MED27: variants seen among roughly 807,000 people sequenced by gnomAD.
The protein encoded by MED27 is mediator of RNA polymerase II transcription subunit 27.
MED27 carries 30 observed loss-of-function variants against 38.2 expected under a neutral mutation model. The ratio of observed to expected loss-of-function variants is 0.79; its 90% confidence interval spans 0.59 to 1.07. MED27 has a LOEUF of 1.07. MED27 is among the 50% of genes least tolerant of loss of function. The pLI is 0.00. For synonymous variants in MED27, 122 were observed against 153.5 expected, an observed-to-expected ratio of 0.79 and a Z score of 1.52; for missense variants, 289 against 397.5, an observed-to-expected ratio of 0.73 and a Z score of 2.32.
intron 2 of MED27, among the ~76,000 whole-genome samples, chr9:132,022,960 T>C (rs896507473): frequency 6.6e-6 from 1 of 152,048 alleles, no homozygotes; most frequent in Admixed American, 6.5e-5. Context: ...GGATTACAAT[T>C]AGAGATGAGA....
intron 3 of MED27, among the ~76,000 whole-genome samples, chr9:131,995,652 C>T (rs898923059): frequency 2.0e-5 from 3 of 152,100 alleles, no homozygotes; most frequent in African/African-American, 7.2e-5. Context: ...CACTGGATCC[C>T]ACATAATATT....
intron 6 of MED27, among the ~76,000 whole-genome samples, chr9:131,863,744 C>T (rs191657134): frequency 1.6e-3 from 238 of 152,266 alleles, no homozygotes; most frequent in African/African-American, 4.9e-3. Context: ...GATGGCCCTT[C>T]GCAGGAGCCC....
chr9:131,881,358 A>C (rs1000700506), intron 6 of MED27, among the ~76,000 whole-genome samples: 10 of 152,320 alleles, frequency 6.6e-5, no homozygotes, highest in African/African-American at 2.4e-4. Context: ...CCTGCACTAA[A>C]GCCTGTGCGT....
At chr9:131,960,308 T>C (rs1270180727) in intron 3 of MED27, among the ~76,000 whole-genome samples, 1 of 152,254 alleles carries the variant, frequency 6.6e-6, no homozygotes, top group African/African-American at 2.4e-5. Flanking sequence ...GATTCAGTTG[T>C]GTCGTATCAA....
At chr9:131,983,212 C>G (rs2131030681) in intron 3 of MED27, among the ~76,000 whole-genome samples, 2 of 152,310 alleles carry the variant, frequency 1.3e-5, no homozygotes, top group East Asian at 3.9e-4. Context: ...GGATTAAAGT[C>G]ACCTGGGCCA....
chr9:131,967,703 T>C (rs896164815), intron 3 of MED27, among the ~76,000 whole-genome samples: 2 of 150,718 alleles, frequency 1.3e-5, no homozygotes, highest in East Asian at 3.9e-4. Flanking sequence ...GGTTTCTTCA[T>C]GTTGGTCAGG....
intron 2 of MED27, among the ~76,000 whole-genome samples, chr9:132,046,563 A>G (rs1368842576): frequency 6.6e-6 from 1 of 152,188 alleles, no homozygotes; most frequent in East Asian, 1.9e-4. Context: ...AGGACTATGA[A>G]GAGTAAATAG....
chr9:131,967,188 A>G (rs945711224), intron 3 of MED27, among the ~76,000 whole-genome samples: 3 of 152,238 alleles, frequency 2.0e-5, no homozygotes, highest in South Asian at 2.1e-4. Context: ...TAAATATGCC[A>G]TAAGTTTATT....
At chr9:132,070,065 C>T (rs1833902248) in intron 2 of MED27, among the ~76,000 whole-genome samples, 2 of 152,214 alleles carry the variant, frequency 1.3e-5, no homozygotes, top group Admixed American at 1.3e-4. Flanking sequence ...CTGTTATCCA[C>T]ATTGAACAGA....
At chr9:132,050,672 G>A (rs1174496385) in intron 2 of MED27, among the ~76,000 whole-genome samples, 1 of 152,156 alleles carries the variant, frequency 6.6e-6, no homozygotes, top group African/African-American at 2.4e-5. Flanking sequence ...AGTTTCCTCT[G>A]CTGGAAGGCG....
chr9:131,890,537 G>A (rs1025285773), intron 5 of MED27, among the ~76,000 whole-genome samples: 2 of 152,114 alleles, frequency 1.3e-5, no homozygotes, highest in African/African-American at 2.4e-5. Flanking sequence ...AATTACTGCC[G>A]CTCCTTTTAG....
chr9:132,051,371 C>T lies in MED27; in HGVS notation c.348+26071G>A, dbSNP rs1833461350. On this transcript the variant is annotated intron_variant, in intron 2 of 7. Transcript: ENST00000292035. This position sits in a 1 kb window ranked among gnomAD's most constrained non-coding sequence, Gnocchi z 4.2. ...AAATGTACTTTGTTCTGAAGTCTAACTACGTTGGGGAAAAAAGAGGGCTTG... is the reference window on the plus strand; with the variant it reads ...AAATGTACTTTGTTCTGAAGTCTAATTACGTTGGGGAAAAAAGAGGGCTTG... Among the ~76,000 whole-genome samples, 2 of 152,168 alleles carry T rather than the reference C, an allele frequency of 1.3e-5. No individual in the cohort carries two copies. The highest frequency in any genetic ancestry group is 1.3e-4 in the Admixed American group (2 of 15,278).
intron 4 of MED27, among the ~76,000 whole-genome samples, chr9:131,910,501 C>T (rs1352441542): frequency 6.6e-6 from 1 of 152,130 alleles, no homozygotes; most frequent in Non-Finnish European, 1.5e-5. Context: ...TAACATAAAC[C>T]TGTTTCTCAA....
At chr9:131,955,997 A>G (rs1831088372) in intron 3 of MED27, among the ~76,000 whole-genome samples, 1 of 152,232 alleles carries the variant, frequency 6.6e-6, no homozygotes, top group African/African-American at 2.4e-5. Context: ...ATTAGCAAAT[A>G]GAATCCAGCA....
At chr9:131,942,997 G>A (rs1217388778) in intron 3 of MED27, among the ~76,000 whole-genome samples, 1 of 152,182 alleles carries the variant, frequency 6.6e-6, no homozygotes, top group Admixed American at 6.5e-5. Flanking sequence ...AGAGATCTGG[G>A]TGGGTTTTGT....
intron 3 of MED27, among the ~76,000 whole-genome samples, chr9:132,012,325 G>A (rs1256309976): frequency 6.6e-6 from 1 of 152,184 alleles, no homozygotes; most frequent in Non-Finnish European, 1.5e-5. Context: ...CCCTTAAGAA[G>A]CATTCTGCCA....
At chr9:131,989,246 A>C (rs558714122) in intron 3 of MED27, among the ~76,000 whole-genome samples, 1 of 152,230 alleles carries the variant, frequency 6.6e-6, no homozygotes, top group African/African-American at 2.4e-5. Context: ...GCTTTTATTT[A>C]TAACACTTTG....
chr9:132,014,092 G>A (rs1008839010), intron 3 of MED27, among the ~76,000 whole-genome samples: 19 of 151,608 alleles, frequency 1.3e-4, no homozygotes, highest in African/African-American at 2.4e-4. Flanking sequence ...TGTAATCCCA[G>A]CTACTTGGGA....
Position 132,014,330 on chromosome 9 carries a change from C to A in MED27, c.479+7G>T, listed in dbSNP as rs772093144. The A allele has an allele frequency of 6.8e-6, 11 of 1,607,758 alleles. No homozygotes were observed. The African/African-American group carries it at 1.2e-4, about 18-fold the overall frequency. ...TACTAAAGTAATTTTTCAAATCCAT[C>A]ACTCACTGAGGTGGTAGGACAAGAG... is the stretch of plus-strand genomic sequence containing the variant. On this transcript the variant is annotated splice_region_variant and intron_variant, in intron 3 of 7. Coordinates refer to ENST00000292035, the MANE Select transcript of MED27 (RefSeq NM_004269.4).
Sources: allele counts gnomAD v4.1 joint callset (sites outside exome capture counted in the v4.1 genomes callset), GRCh38; gene constraint gnomAD v4.1.1; non-coding constraint Gnocchi (gnomAD v3.1); transcripts MANE v1.5; gene names NCBI Gene and HGNC (gene_info 2026-07-23, HGNC 2026-07-21).